Variants in CRKL observed in about 807,000 individuals in gnomAD.
CRKL encodes CRK like proto-oncogene, adaptor protein.
CRKL carries 3 observed loss-of-function variants against 23.0 expected under a neutral mutation model. The ratio of observed to expected loss-of-function variants is 0.13; its 90% CI spans 0.06 to 0.34. The LOEUF is 0.34. Ranked by LOEUF, CRKL falls within the 10% of genes least tolerant of loss-of-function variation. CRKL has a pLI of 1.00. For synonymous variants in CRKL, 188 were observed against 160.7 expected (o/e 1.17, Z -1.28); for missense variants, 256 against 394.5 (o/e 0.65, Z 2.97).
At chr22:20,945,086 C>T (rs1922010624) in intron 2 of CRKL, among the ~76,000 whole-genome samples, 1 of 151,498 alleles carries the variant, frequency 6.6e-6, no homozygotes, top group Non-Finnish European at 1.5e-5. Context: ...CGCCACCTCC[C>T]GGGTGCACGC....
intron 2 of CRKL, among the ~76,000 whole-genome samples, chr22:20,948,775 G>A (rs905841475): frequency 2.6e-5 from 4 of 152,146 alleles, no homozygotes; most frequent in African/African-American, 9.7e-5. Flanking sequence ...CCTGGAACTA[G>A]AGGCATGTAC....
intron 2 of CRKL, among the ~76,000 whole-genome samples, chr22:20,934,725 G>C (rs903279449): frequency 6.6e-6 from 1 of 151,476 alleles, no homozygotes; most frequent in Non-Finnish European, 1.5e-5. Context: ...AACATATATG[G>C]TTCTGTATTT....
At chr22:20,949,499 G>A (rs1257068387) in intron 2 of CRKL, among the ~76,000 whole-genome samples, 1 of 152,200 alleles carries the variant, frequency 6.6e-6, no homozygotes, top group Non-Finnish European at 1.5e-5. Flanking sequence ...CTATTCAAGA[G>A]GTGGAGGTGG....
intron 1 of CRKL, among the ~76,000 whole-genome samples, chr22:20,922,006 CTTTTTTTTTTT>C (rs66728040): frequency 1.4e-5 from 1 of 69,920 alleles, no homozygotes. Context: ...CTGCGCCCGG[CTTTTTTTTTTT>C]TTTTTTTTTT....
rs1444326760 is a variant in CRKL, at chr22:20,949,778, G to A, written c.845G>A (p.Arg282His). ...CAGTGGGAAGGCGAAGTGAACGGGC[G>A]CAAAGGGCTTTTCCCCTTTACGCAC... is the stretch of plus-strand genomic sequence containing the variant. ...NGQWEGEVNG[R>H]KGLFPFTHVK... Residue 282 changes from arginine (R) to histidine (H), a missense_variant, in exon 3 of 3, where the codon CGC becomes CAC. Around this residue, in one of 3 missense-constraint regions of CRKL, gnomAD observed 129 missense variants for 222.1 expected, o/e 0.58. Coordinates refer to ENST00000354336, the MANE Select transcript of CRKL (RefSeq NM_005207.4). 3 of 1,612,664 alleles carry A rather than the reference G, an allele frequency of 1.9e-6. No homozygotes were observed. Among genetic ancestry groups the A allele is most frequent in the South Asian group, 1.1e-5 (1 of 90,740 alleles).
intron 1 of CRKL, among the ~76,000 whole-genome samples, chr22:20,927,514 T>TG (rs1921266211): frequency 9.8e-5 from 1 of 10,160 alleles, no homozygotes; most frequent in Admixed American, 1.4e-3. Flanking sequence ...GTTTTCTACC[T>TG]TTTTTTTTTT....
chr22:20,918,273 A>G (rs1929763981), intron 1 of CRKL, 28 bp downstream of exon 1: 1 of 1,607,664 alleles, frequency 6.2e-7, no homozygotes, highest in Non-Finnish European at 8.5e-7. Context: ...CCGACCGCGG[A>G]GGAAGGTCGA....
At chr22:20,947,941 C>G (rs1207627005) in intron 2 of CRKL, among the ~76,000 whole-genome samples, 3 of 152,096 alleles carry the variant, frequency 2.0e-5, no homozygotes, top group African/African-American at 7.2e-5. Flanking sequence ...ACTTCAGCTT[C>G]CCAAAGTGCT....
At chr22:20,942,450 C>T (rs1437572567) in intron 2 of CRKL, among the ~76,000 whole-genome samples, 18 of 152,224 alleles carry the variant, frequency 1.2e-4, no homozygotes, top group East Asian at 1.9e-4. Context: ...GTATATATCA[C>T]GTTTTGTTAA....
chr22:20,940,641 A>G (rs1202353638), intron 2 of CRKL, among the ~76,000 whole-genome samples: 5 of 148,550 alleles, frequency 3.4e-5, no homozygotes, highest in South Asian at 2.1e-4. Flanking sequence ...AGCATCCTCA[A>G]CATTCTTGCT....
At chr22:20,947,650 CTTTTCTTTTCTT>C (rs1030466794) in intron 2 of CRKL, among the ~76,000 whole-genome samples, 4 of 132,732 alleles carry the variant, frequency 3.0e-5, no homozygotes, top group African/African-American at 8.4e-5. Flanking sequence ...TTTTTCTTTT[CTTTTCTTTTCTT>C]TTTTCTTTTT....
intron 2 of CRKL, among the ~76,000 whole-genome samples, chr22:20,941,588 A>ATTTTTTTTTTT (rs1198699701): frequency 3.9e-4 from 13 of 33,540 alleles, no homozygotes; most frequent in South Asian, 3.3e-3. Flanking sequence ...GTATATATAT[A>ATTTTTTTTTTT]TTTTTTTTTT....
chr22:20,927,062 A>G (rs539633512), intron 1 of CRKL, among the ~76,000 whole-genome samples: 1 of 130,966 alleles, frequency 7.6e-6, no homozygotes, highest in African/African-American at 2.8e-5. Context: ...CAGTGAGCCA[A>G]GATCGCACCA....
At chr22:20,948,257 GGCT>G (rs1922142392) in intron 2 of CRKL, among the ~76,000 whole-genome samples, 1 of 152,078 alleles carries the variant, frequency 6.6e-6, no homozygotes, top group African/African-American at 2.4e-5. Flanking sequence ...AGTCTTCTTT[GGCT>G]GCTTAGTATC....
intron 1 of CRKL, among the ~76,000 whole-genome samples, chr22:20,929,622 C>A (rs368252040): frequency 3.6e-4 from 55 of 152,246 alleles, no homozygotes; most frequent in Admixed American, 1.1e-3. Flanking sequence ...CGCCACCACA[C>A]CTGGCTAATT....
In CRKL at chr22:20,950,395, TTTTTG is replaced by T. The variant is rs1184834341; in HGVS notation, c.*564_*568del. ...TTAATTAGACTTGTGTGGGGGTTTT[TTTTTG>T]TTTTGTTTTGTTTGTTTTGTTTTGT... On this transcript the variant is annotated 3_prime_UTR_variant, in exon 3 of 3. Transcript: ENST00000354336. 4.7e-5 allele frequency: 11 copies of T among 232,916 alleles called. No homozygotes were observed. Among genetic ancestry groups the T allele is most frequent in the Admixed American group, 2.3e-4 (4 of 17,752 alleles). 14.4% of individuals were successfully genotyped at this position (232,916 alleles called of 1,614,324 possible).
rs1028508624 is a variant in CRKL at position 20,951,133 on chromosome 22, G to T, written c.*1288G>T. The T allele has an allele frequency of 1.7e-5, 4 of 232,178 alleles. No homozygotes were observed. The highest frequency in any genetic ancestry group is 3.4e-5 in the Non-Finnish European group (4 of 117,506). The allele number at this position is 232,178 out of a possible 1,614,324, so 14.4% of individuals were successfully genotyped here. A position where few individuals can be genotyped will look rare whatever the true frequency, so the allele number is the denominator to read the frequency against. Reference sequence around the variant, plus strand: ...TTAAACTTCCTTAAAAAGTGGCGTTGTTCATAGAATCGTTGGACTCATTAA... The same window carrying T: ...TTAAACTTCCTTAAAAAGTGGCGTTTTTCATAGAATCGTTGGACTCATTAA... On this transcript the variant is annotated 3_prime_UTR_variant, in exon 3 of 3. Transcript: ENST00000354336.
Position 20,953,351 on chromosome 22 carries a change from CTG to C in CRKL, c.*3507_*3508del. ...TCTAAAGGAGCAGAAGGACAGGTCT[CTG>C]AGACAGGATCGTTGTCCCTACAGGA... is the stretch of plus-strand genomic sequence containing the variant. On this transcript the variant is annotated 3_prime_UTR_variant, in exon 3 of 3. Coordinates refer to ENST00000354336, the MANE Select transcript of CRKL (RefSeq NM_005207.4). 1.3e-5 allele frequency: 3 copies of C among 231,150 alleles called. No homozygotes were observed. Among genetic ancestry groups the C allele is most frequent in the Middle Eastern group, 2.6e-3 (2 of 766 alleles). 14.3% of individuals were successfully genotyped at this position (231,150 alleles called of 1,614,324 possible).
rs545944674 is a variant in CRKL at position 20,952,781 on chromosome 22, C to G, written c.*2936C>G. ...CTAGAGGGCATTGACTGGTTAAAAA[C>G]TTGTGTATCCCGGGAAGGACCTGCG... is the stretch of plus-strand genomic sequence containing the variant. On this transcript the variant is annotated 3_prime_UTR_variant, in exon 3 of 3. Coordinates refer to ENST00000354336, the MANE Select transcript of CRKL (RefSeq NM_005207.4). 1 of 231,740 alleles carries G rather than the reference C, an allele frequency of 4.3e-6. No homozygotes were observed. Among genetic ancestry groups the G allele is most frequent in the Non-Finnish European group, 8.5e-6 (1 of 117,204 alleles). 14.4% of individuals were successfully genotyped at this position (231,740 alleles called of 1,614,324 possible). A position where few individuals can be genotyped will look rare whatever the true frequency, so the allele number is the denominator to read the frequency against.
Sources: gnomAD v4.1 joint callset for allele counts (sites outside exome capture counted in the v4.1 genomes callset) on GRCh38, gnomAD v4.1.1 for gene constraint, gnomAD v4.1.1 regional missense constraint, MANE v1.5 for transcripts, NCBI Gene and HGNC (gene_info 2026-07-23, HGNC 2026-07-21) for gene names.